TNKS: variants seen among roughly 807,000 people sequenced by gnomAD.
TNKS encodes the protein tankyrase.
A neutral mutation model predicts 135.8 loss-of-function variants in TNKS; 72 were observed. That is an observed-to-expected ratio of 0.53 (90% CI 0.44 to 0.64). The LOEUF (loss-of-function observed/expected upper bound fraction) is 0.64. Ranked by LOEUF, TNKS falls within the 30% of genes least tolerant of loss-of-function variation. The pLI, the probability that TNKS is intolerant of heterozygous loss-of-function variation, is 0.00. For synonymous variants in TNKS, 849 were observed against 649.3 expected (o/e 1.31, Z -4.68); for missense variants, 1,769 against 1,674.0 (o/e 1.06, Z -0.99).
chr8:9,678,395 G>A (rs945301035), intron 3 of TNKS, among the ~76,000 whole-genome samples: 3 of 152,088 alleles, frequency 2.0e-5, no homozygotes, highest in African/African-American at 7.2e-5. Flanking sequence ...ATAATGAAAT[G>A]ACCTTTACTC....
intron 2 of TNKS, among the ~76,000 whole-genome samples, chr8:9,610,931 A>G (rs1799438497): frequency 1.3e-5 from 2 of 152,232 alleles, no homozygotes; most frequent in African/African-American, 4.8e-5. Flanking sequence ...TTTATTTGCA[A>G]TAATTATGCA....
chr8:9,617,661 T>G (rs1174168146), intron 3 of TNKS, among the ~76,000 whole-genome samples: 1 of 152,184 alleles, frequency 6.6e-6, no homozygotes, highest in African/African-American at 2.4e-5. Flanking sequence ...AAAGAATTAT[T>G]TCCAGAGCTA....
At chr8:9,756,976 T>TC (rs368680366) in intron 20 of TNKS, among the ~76,000 whole-genome samples, 40 of 151,982 alleles carry the variant, frequency 2.6e-4, no homozygotes, top group African/African-American at 9.7e-4. Flanking sequence ...TGTTTGTTTT[T>TC]TTTTGTTTGT....
chr8:9,570,956 A>G (rs1345578244), intron 1 of TNKS, among the ~76,000 whole-genome samples: 1 of 152,234 alleles, frequency 6.6e-6, no homozygotes, highest in Non-Finnish European at 1.5e-5. Flanking sequence ...GCAATAGAGT[A>G]AGACCTGTCT....
intron 1 of TNKS, chr8:9,556,992 C>G (rs13256939): frequency 0.12 from 44,991 of 386,998 alleles, 3,368 homozygotes; most frequent in Admixed American, 0.23. Flanking sequence ...AGGGTATGTC[C>G]TTTGAGGACA....
At chr8:9,673,467 A>C (rs1802395778) in intron 3 of TNKS, among the ~76,000 whole-genome samples, 1 of 128,000 alleles carries the variant, frequency 7.8e-6, no homozygotes, top group African/African-American at 2.9e-5. Flanking sequence ...TTTTTTGAGC[A>C]GGAGTCTTGC....
intron 22 of TNKS, among the ~76,000 whole-genome samples, chr8:9,764,411 TGTTA>T (rs1196464528): frequency 2.0e-5 from 3 of 151,666 alleles, no homozygotes; most frequent in African/African-American, 7.3e-5. Flanking sequence ...TTAATCAGAG[TGTTA>T]GTTCTTCTTC....
chr8:9,557,262 C>T (rs1299146882), intron 1 of TNKS: 1 of 152,178 alleles, frequency 6.6e-6, no homozygotes, highest in Non-Finnish European at 1.5e-5. Context: ...GACCATTTAC[C>T]TCGTGTCAGT....
chr8:9,779,317 G>A lies in TNKS; in HGVS notation c.*2581G>A, dbSNP rs185697954. On this transcript the variant is annotated 3_prime_UTR_variant, in exon 27 of 27. Transcript: ENST00000310430. ...ATATAAAAGCATGGCATTAAATTAGGCTGAAGTCTTTTATTTTTTGTATAT... is the reference window on the plus strand; with the variant it reads ...ATATAAAAGCATGGCATTAAATTAGACTGAAGTCTTTTATTTTTTGTATAT... 3 of 152,636 alleles carry A rather than the reference G, an allele frequency of 2.0e-5. No individual in the cohort carries two copies. Among genetic ancestry groups the A allele is most frequent in the East Asian group, 3.9e-4 (2 of 5,178 alleles). The allele number at this position is 152,636 out of a possible 1,614,324, so 9.5% of individuals were successfully genotyped here. A position where few individuals can be genotyped will look rare whatever the true frequency, so the allele number is the denominator to read the frequency against.
chr8:9,654,549 A>G (rs1373504358), intron 3 of TNKS, among the ~76,000 whole-genome samples: 1 of 152,242 alleles, frequency 6.6e-6, no homozygotes, highest in Non-Finnish European at 1.5e-5. Flanking sequence ...AACCAAAAAG[A>G]AGAGTAGTTG....
chr8:9,565,724 G>T (rs1797501174), intron 1 of TNKS, among the ~76,000 whole-genome samples: 1 of 152,120 alleles, frequency 6.6e-6, no homozygotes, highest in Non-Finnish European at 1.5e-5. Flanking sequence ...TGGCGTGGTG[G>T]CGGGCGCCTG....
At chr8:9,659,265 A>T (rs985557579) in intron 3 of TNKS, among the ~76,000 whole-genome samples, 17 of 152,236 alleles carry the variant, frequency 1.1e-4, no homozygotes, top group Non-Finnish European at 2.2e-4. Flanking sequence ...TCTCCACCCC[A>T]AATCAACAGA....
intron 5 of TNKS, among the ~76,000 whole-genome samples, chr8:9,688,743 G>A (rs1408541270): frequency 6.6e-6 from 1 of 152,084 alleles, no homozygotes; most frequent in Non-Finnish European, 1.5e-5. Context: ...GGGTTCTAGC[G>A]ATTCTCCTGC....
chr8:9,556,522 G>A lies in TNKS; in HGVS notation c.583G>A (p.Val195Met), dbSNP rs754197772. 2.5e-6 allele frequency: 4 copies of A among 1,614,180 alleles called. No homozygotes were observed. In the East Asian group the frequency reaches 8.9e-5, roughly 36 times the overall value. The part of the protein sequence containing the change: ...ELLEACRNGD[V>M]SRVKRLVDAA... ...GCTGGAGGCCTGTCGCAATGGGGAC[G>A]TGTCCCGGGTAAAGAGGCTGGTGGA... The change falls in exon 1 of 27, where the codon GTG becomes ATG. Residue 195 changes from valine (V) to methionine (M), a missense_variant. Val to Met is a conservative substitution (Grantham distance 21). Around this residue, in one of 5 missense-constraint regions of TNKS, gnomAD observed 450 missense variants for 304.9 expected, o/e 1.48. Coordinates refer to ENST00000310430, the MANE Select transcript of TNKS (RefSeq NM_003747.3).
intron 2 of TNKS, among the ~76,000 whole-genome samples, chr8:9,600,495 G>C (rs1798975448): frequency 6.6e-6 from 1 of 151,922 alleles, no homozygotes; most frequent in African/African-American, 2.4e-5. Context: ...TGTATTTTTT[G>C]TAGAGACAGG....
intron 5 of TNKS, among the ~76,000 whole-genome samples, chr8:9,684,899 G>C (rs1802924059): frequency 6.6e-6 from 1 of 152,130 alleles, no homozygotes; most frequent in Non-Finnish European, 1.5e-5. Context: ...AAATGATACA[G>C]TATTCCTTTT....
chr8:9,749,031 C>A (rs1012864410), intron 18 of TNKS, among the ~76,000 whole-genome samples: 1 of 152,142 alleles, frequency 6.6e-6, no homozygotes, highest in African/African-American at 2.4e-5. Flanking sequence ...AATTGTATCT[C>A]AAGAGGGAGA....
intron 2 of TNKS, among the ~76,000 whole-genome samples, chr8:9,586,379 G>C (rs937864675): frequency 6.6e-6 from 1 of 152,020 alleles, no homozygotes; most frequent in Non-Finnish European, 1.5e-5. Context: ...TCCCAGTTCA[G>C]AACTTCAATT....
intron 1 of TNKS, among the ~76,000 whole-genome samples, chr8:9,565,238 G>C (rs1361319265): frequency 2.0e-5 from 3 of 151,940 alleles, no homozygotes; most frequent in African/African-American, 7.3e-5. Context: ...CTGTTTTTTG[G>C]AGTGTGTCAG....
Sources: gnomAD v4.1 joint callset for allele counts (sites outside exome capture counted in the v4.1 genomes callset) on GRCh38, gnomAD v4.1.1 for gene constraint, gnomAD v4.1.1 regional missense constraint, MANE v1.5 for transcripts, NCBI Gene and HGNC (gene_info 2026-07-23, HGNC 2026-07-21) for gene names.